The following TRIQK variants were observed in gnomAD, a reference collection of about 807,000 sequenced individuals.
TRIQK encodes the protein triple QxxK/R motif containing, also known as triple QxxK/R motif-containing protein.
Under a neutral mutation model 10.8 loss-of-function variants are expected in TRIQK, and 10 were observed. That is an observed-to-expected ratio of 0.92 (90% CI 0.57 to 1.57). The LOEUF (loss-of-function observed/expected upper bound fraction) is 1.57. TRIQK is among the 40% of genes most tolerant of loss of function. The pLI, the probability that TRIQK is intolerant of heterozygous loss-of-function variation, is 0.00. For synonymous variants in TRIQK, 33 were observed against 33.7 expected (o/e 0.98, Z 0.07); for missense variants, 107 against 97.7 (o/e 1.09, Z -0.40).
At chr8:92,889,272 A>C (rs897579072) in intron 4 of TRIQK, among the ~76,000 whole-genome samples, 2 of 151,606 alleles carry the variant, frequency 1.3e-5, no homozygotes, top group Admixed American at 6.6e-5. Flanking sequence ...ATGATTTCTC[A>C]ATCAGTACTG....
intron 1 of TRIQK, among the ~76,000 whole-genome samples, chr8:93,005,323 C>A (rs1174493771): frequency 6.6e-6 from 1 of 152,152 alleles, no homozygotes; most frequent in Non-Finnish European, 1.5e-5. Context: ...TTTCAAACAA[C>A]CAGAGCTCAT....
intron 1 of TRIQK, among the ~76,000 whole-genome samples, chr8:92,983,130 T>C (rs557245860): frequency 4.6e-5 from 7 of 152,162 alleles, no homozygotes; most frequent in Admixed American, 2.6e-4. Flanking sequence ...TTCTAAATTA[T>C]TTTTATTTAC....
At chr8:92,988,218 G>A (rs1220469080) in intron 1 of TRIQK, among the ~76,000 whole-genome samples, 2 of 151,206 alleles carry the variant, frequency 1.3e-5, no homozygotes, top group Non-Finnish European at 2.9e-5. Flanking sequence ...TGGTTTCACC[G>A]TGTTAGCCAG....
intron 1 of TRIQK, among the ~76,000 whole-genome samples, chr8:93,002,668 C>T (rs1374796535): frequency 6.6e-6 from 1 of 151,852 alleles, no homozygotes; most frequent in Non-Finnish European, 1.5e-5. Context: ...ACCTGTAATC[C>T]CAGCAGTTTG....
chr8:92,958,724 A>C (rs979226617), intron 1 of TRIQK, among the ~76,000 whole-genome samples: 7 of 152,026 alleles, frequency 4.6e-5, no homozygotes, highest in Non-Finnish European at 1.0e-4. Flanking sequence ...TGAAAAGAAA[A>C]GTACACTATG....
chr8:93,004,300 G>C (rs1813245577), intron 1 of TRIQK, among the ~76,000 whole-genome samples: 1 of 152,184 alleles, frequency 6.6e-6, no homozygotes, highest in Non-Finnish European at 1.5e-5. Flanking sequence ...TGCCAAGGTT[G>C]GGATTTGCAC....
chr8:92,963,416 A>G (rs1037622962), intron 1 of TRIQK: 8 of 152,168 alleles, frequency 5.3e-5, no homozygotes, highest in Admixed American at 4.6e-4. Context: ...AAACAACCAC[A>G]ATTCTTTTTA....
Position 92,891,114 on chromosome 8 carries a change from G to A in TRIQK, c.147+875C>T, listed in dbSNP as rs532543120. Reference sequence around the variant, plus strand: ...AGGAGCGAAAAGAAGGCAGTGTTTCGTGATCATAATAGCAAATTCTGGAAG... The same window carrying A: ...AGGAGCGAAAAGAAGGCAGTGTTTCATGATCATAATAGCAAATTCTGGAAG... On this transcript the variant is annotated intron_variant, in intron 4 of 4. Transcript: ENST00000521988. Among the ~76,000 whole-genome samples, 6 of 151,852 alleles carry A rather than the reference G, an allele frequency of 4.0e-5. No homozygotes were observed. The South Asian group carries it at 6.2e-4, about 16-fold the overall frequency.
At chr8:92,953,701 G>A (rs1240274477) in intron 2 of TRIQK, 1 of 151,974 alleles carries the variant, frequency 6.6e-6, no homozygotes, top group Non-Finnish European at 1.5e-5. Flanking sequence ...GATGAGCAGA[G>A]TTGAAGATGA....
At position 92,900,612 on chromosome 8, in the gene TRIQK, T is replaced by C. The variant is rs368147721; in HGVS notation, c.62-8538A>G. ...CCATTGGTGTATGTGTCTGGTTTTA[T>C]GTGAGTACCATGCTGTTTTGGTTAC... On this transcript the variant is annotated intron_variant, in intron 3 of 4. Transcript: ENST00000521988. Among the ~76,000 whole-genome samples the C allele has an allele frequency of 3.3e-5, 5 of 152,300 alleles. No homozygotes were observed. In the East Asian group the frequency reaches 9.7e-4, roughly 29 times the overall value.
chr8:92,978,507 G>A (rs193040653), intron 1 of TRIQK, among the ~76,000 whole-genome samples: 24 of 152,166 alleles, frequency 1.6e-4, no homozygotes, highest in Non-Finnish European at 2.6e-4. Context: ...AATTTGGGGG[G>A]TCTAGGAGGA....
intron 1 of TRIQK, among the ~76,000 whole-genome samples, chr8:92,990,631 C>T (rs1402832535): frequency 1.3e-5 from 2 of 152,134 alleles, no homozygotes; most frequent in East Asian, 3.9e-4. Context: ...GAAGTCGCTT[C>T]ACCTGGGAAG....
rs531397623 is a variant in TRIQK, at chr8:92,950,167, A to T, written c.-22+4239T>A. On this transcript the variant is annotated intron_variant, in intron 2 of 4. Transcript: ENST00000521988. ...TGTTCACACATGTTTGAAACTCTGG[A>T]TTAGTAGAGTAACAGTTACATTTAG... Among the ~76,000 whole-genome samples, 42 of 152,290 alleles carry T rather than the reference A, an allele frequency of 2.8e-4. No homozygotes were observed. In the South Asian group the frequency reaches 4.8e-3, roughly 17 times the overall value.
chr8:92,973,025 C>A (rs1396914019), intron 1 of TRIQK: 1 of 152,144 alleles, frequency 6.6e-6, no homozygotes, highest in Admixed American at 6.5e-5. Context: ...GTTCATGGTG[C>A]CTCGTGAGCA....
At chr8:92,979,758 C>T (rs1452869359) in intron 1 of TRIQK, among the ~76,000 whole-genome samples, 1 of 151,846 alleles carries the variant, frequency 6.6e-6, no homozygotes, top group Non-Finnish European at 1.5e-5. Context: ...GCTAATGGTC[C>T]CTCATTTGTG....
chr8:92,898,512 A>G (rs1425544366), intron 3 of TRIQK, among the ~76,000 whole-genome samples: 3 of 152,012 alleles, frequency 2.0e-5, no homozygotes, highest in Admixed American at 6.6e-5. Flanking sequence ...ATTGATTTTG[A>G]TAGTTTTCAC....
chr8:93,005,375 C>T (rs1020760688), intron 1 of TRIQK, among the ~76,000 whole-genome samples: 4 of 152,048 alleles, frequency 2.6e-5, no homozygotes, highest in African/African-American at 9.7e-5. Context: ...AGGAGAAATC[C>T]ACCCCCATGA....
chr8:93,002,292 A>G (rs2130757597), intron 1 of TRIQK, among the ~76,000 whole-genome samples: 1 of 152,290 alleles, frequency 6.6e-6, no homozygotes. Context: ...AGAAATAAAG[A>G]CTACAAAAAC....
Position 93,008,350 on chromosome 8 carries a change from G to T in TRIQK, c.-181+9259C>A, listed in dbSNP as rs1407297434. Among the ~76,000 whole-genome samples the T allele has an allele frequency of 2.0e-5, 3 of 152,032 alleles. No individual in the cohort carries two copies. The South Asian group carries it at 6.2e-4, about 32-fold the overall frequency. On this transcript the variant is annotated intron_variant, in intron 1 of 4. Transcript: ENST00000520686. ...AAAATATTGAAGAGGACTCAAATAAGTATCCAGTAGTCTTCGATGGGAAGA... is the reference window on the plus strand; with the variant it reads ...AAAATATTGAAGAGGACTCAAATAATTATCCAGTAGTCTTCGATGGGAAGA...
Sources: allele counts gnomAD v4.1 joint callset (sites outside exome capture counted in the v4.1 genomes callset), GRCh38; gene constraint gnomAD v4.1.1; transcripts MANE v1.5; gene names NCBI Gene and HGNC (gene_info 2026-07-23, HGNC 2026-07-21).